Variants in FHDC1 observed in about 807,000 individuals in gnomAD.
The protein encoded by FHDC1 is FH2 domain containing 1.
In FHDC1, 25 loss-of-function variants were observed where a neutral mutation model predicts 52.6. The observed-to-expected ratio is 0.48, with a 90% CI of 0.35 to 0.66. The LOEUF (loss-of-function observed/expected upper bound fraction) is 0.66. Ranked by LOEUF, FHDC1 falls within the 30% of genes least tolerant of loss-of-function variation. The pLI is 0.01. For synonymous variants in FHDC1, 616 were observed against 581.5 expected (o/e 1.06, Z -0.85); for missense variants, 1,459 against 1,452.8 (o/e 1.00, Z -0.07).
At position 152,966,256 on chromosome 4, in the gene FHDC1, A is replaced by G. The variant is rs550132923; in HGVS notation, c.1100+1281A>G. Among the ~76,000 whole-genome samples the G allele has an allele frequency of 5.3e-5, 8 of 152,322 alleles. No homozygotes were observed. The East Asian group carries it at 1.5e-3, about 29-fold the overall frequency. ...CTATTCAGCAAGCTTGTTTATTTGAAATGGAAGGTGAAATACACTTGGGAA... is the reference window on the plus strand; with the variant it reads ...CTATTCAGCAAGCTTGTTTATTTGAGATGGAAGGTGAAATACACTTGGGAA... On this transcript the variant is annotated intron_variant, in intron 9 of 11. Transcript: ENST00000511601.
At chr4:152,959,659 C>T (rs1482873050) in intron 4 of FHDC1, among the ~76,000 whole-genome samples, 3 of 152,030 alleles carry the variant, frequency 2.0e-5, no homozygotes, top group Admixed American at 6.5e-5. Flanking sequence ...CCTTGGCCTC[C>T]CAAAAAGCTG....
intron 8 of FHDC1, among the ~76,000 whole-genome samples, chr4:152,963,761 A>ATTGCTT (rs1291173741): frequency 1.2e-5 from 1 of 84,952 alleles, no homozygotes; most frequent in Non-Finnish European, 2.3e-5. Context: ...GATCCTATCC[A>ATTGCTT]TTGCTTTGTT....
At chr4:152,928,053 C>G in the FHDC1 span, 11 of 1,421,184 alleles carry the variant, frequency 7.7e-6, no homozygotes, top group Non-Finnish European at 1.0e-5. Context: ...ATCCACTGCC[C>G]CTCTGCTGCA....
In FHDC1 at chr4:152,974,771, G is replaced by A; in HGVS notation, c.1480G>A (p.Ala494Thr). 1 of 1,534,738 alleles carries A rather than the reference G, an allele frequency of 6.5e-7. No homozygotes were observed. Among genetic ancestry groups the A allele is most frequent in the South Asian group, 1.3e-5 (1 of 78,826 alleles). ...CTCCTGGGCAACTGGGGAGCTGGGG[G>A]CATTTGGCCGGAGCAGCAGTGAGAA... ...QRSWATGELGAFGRSSSENDV... is the reference protein window; with the variant it reads ...QRSWATGELGTFGRSSSENDV... The change falls in exon 12 of 12, where the codon GCA (alanine) becomes ACA (threonine). Residue 494 changes from alanine (A) to threonine (T), a missense_variant. Physicochemically the swap from Ala to Thr is moderately conservative, Grantham distance 58 (BLOSUM62 0). This residue lies in a region of FHDC1 where 7 missense variants were observed against 16.8 expected (regional missense o/e 0.42). Coordinates refer to ENST00000511601, the MANE Select transcript of FHDC1 (RefSeq NM_001371116.1).
At chr4:152,972,257 C>A in intron 10 of FHDC1, 120 bp from the exon 11 acceptor site, 1 of 1,059,374 alleles carries the variant, frequency 9.4e-7, no homozygotes, top group African/African-American at 1.6e-5. Flanking sequence ...ATAAACCTTC[C>A]TTTTCCAAGA....
At chr4:152,922,536 C>T in the FHDC1 span, among the ~76,000 whole-genome samples, 55 of 150,738 alleles carry the variant, frequency 3.6e-4, no homozygotes, top group Admixed American at 8.6e-4. Flanking sequence ...ATACCAAAGC[C>T]GGGCAGAGAC....
chr4:152,960,588 T>C lies in FHDC1; in HGVS notation c.687T>C (p.Ser229=), dbSNP rs763484924. Residue 229 remains serine (S), a synonymous_variant, in exon 5 of 12, where the codon AGT becomes AGC. Transcript: ENST00000511601. ...AGGTAAAGAAGTTAAAAGCGTTTAG[T>C]GGCGACGTGTCGAAGCTGTCTCTGG... ...SEEVKKLKAF[S]GDVSKLSLAD... is the part of the protein sequence containing the mutation. 3.1e-6 allele frequency: 5 copies of C among 1,614,196 alleles called. No individual in the cohort carries two copies. In the Admixed American group the frequency reaches 8.3e-5, roughly 27 times the overall value.
intron 4 of FHDC1, among the ~76,000 whole-genome samples, chr4:152,958,343 G>A (rs1477682116): frequency 6.6e-6 from 1 of 152,084 alleles, no homozygotes; most frequent in African/African-American, 2.4e-5. Flanking sequence ...TAATTATAGG[G>A]TCTGTTCACC....
the FHDC1 span, among the ~76,000 whole-genome samples, chr4:152,913,374 A>T: frequency 6.6e-6 from 1 of 152,254 alleles, no homozygotes; most frequent in Non-Finnish European, 1.5e-5. Flanking sequence ...AATTATGTAT[A>T]TTGAAAAAAC....
the FHDC1 span, among the ~76,000 whole-genome samples, chr4:152,925,876 A>AAGG: frequency 4.8e-4 from 45 of 94,610 alleles, no homozygotes; most frequent in African/African-American, 1.2e-3. Context: ...GAAGGAGGAG[A>AAGG]AGGAGGAGGA....
At chr4:152,948,114 A>G (rs1242663532) in intron 2 of FHDC1, among the ~76,000 whole-genome samples, 3 of 152,218 alleles carry the variant, frequency 2.0e-5, no homozygotes, top group African/African-American at 7.2e-5. Flanking sequence ...CTAAAGTGAA[A>G]AAGAAAATGA....
intron 2 of FHDC1, among the ~76,000 whole-genome samples, chr4:152,948,252 AG>A (rs1739796890): frequency 6.6e-6 from 1 of 152,238 alleles, no homozygotes; most frequent in Non-Finnish European, 1.5e-5. Context: ...TAGGTAAAGA[AG>A]CCCCCTTTGA....
intron 3 of FHDC1, among the ~76,000 whole-genome samples, 159 bp downstream of exon 3, chr4:152,953,719 T>C (rs1266554509): frequency 1.3e-5 from 2 of 152,224 alleles, no homozygotes; most frequent in African/African-American, 4.8e-5. Context: ...TTTCTGCTGT[T>C]TTTCTTCAGG....
At chr4:152,922,731 A>T in the FHDC1 span, among the ~76,000 whole-genome samples, 2 of 152,210 alleles carry the variant, frequency 1.3e-5, no homozygotes. Context: ...GTAATCCAGC[A>T]TATAAACAGA....
At position 152,976,370 on chromosome 4, in the gene FHDC1, C is replaced by A; in HGVS notation, c.3079C>A (p.His1027Asn). 2 of 1,613,824 alleles carry A rather than the reference C, an allele frequency of 1.2e-6. No homozygotes were observed. The highest frequency in any genetic ancestry group is 1.7e-6 in the Non-Finnish European group (2 of 1,180,024). Residue 1027 changes from histidine to asparagine, a missense_variant, in exon 12 of 12, where the codon CAC becomes AAC. Around this residue, in one of 3 missense-constraint regions of FHDC1, gnomAD observed 939 missense variants for 854.5 expected, o/e 1.10. Transcript: ENST00000511601. The part of the protein sequence containing the change: ...PKTPSVPSVP[H>N]ELPRVPSFAR... ...GACCCCGTCAGTGCCCAGCGTCCCC[C>A]ACGAACTACCCCGTGTCCCGAGCTT...
chr4:152,921,089 T>A, the FHDC1 span, among the ~76,000 whole-genome samples: 1 of 152,046 alleles, frequency 6.6e-6, no homozygotes, highest in Non-Finnish European at 1.5e-5. Context: ...ATAAAATTAT[T>A]TTCCTTTTAA....
Position 152,968,043 on chromosome 4 carries a change from A to T in FHDC1, c.1164A>T (p.Lys388Asn). The T allele has an allele frequency of 6.2e-7, 1 of 1,614,040 alleles. No individual in the cohort carries two copies. Reference sequence around the variant, plus strand: ...TGTTTGTCAGGACAAAATCACTAAAAGAAAACATCCAGCGGGATGGTGAAC... The same window carrying T: ...TGTTTGTCAGGACAAAATCACTAAATGAAAACATCCAGCGGGATGGTGAAC... ...HLLFVRTKSL[K>N]ENIQRDGELC... Residue 388 changes from lysine (K) to asparagine (N), a missense_variant, in exon 10 of 12, where the codon AAA becomes AAT. By Grantham distance (94) the Lys-to-Asn change is moderately conservative. Transcript: ENST00000511601.
chr4:152,931,359 C>A (rs1251258303), upstream of FHDC1, among the ~76,000 whole-genome samples: 1 of 151,558 alleles, frequency 6.6e-6, no homozygotes, highest in Admixed American at 6.6e-5. Context: ...CAATTGTAAA[C>A]TAAAAAGAGC....
At chr4:152,920,649 T>G in the FHDC1 span, among the ~76,000 whole-genome samples, 1 of 152,118 alleles carries the variant, frequency 6.6e-6, no homozygotes. Context: ...ATAAAACTTA[T>G]GGGAGCTAAA....
Sources: allele counts gnomAD v4.1 joint callset (sites outside exome capture counted in the v4.1 genomes callset), GRCh38; gene constraint gnomAD v4.1.1; regional missense constraint gnomAD v4.1.1; transcripts MANE v1.5; gene names NCBI Gene and HGNC (gene_info 2026-07-23, HGNC 2026-07-21).